Variants in AXIN1 observed in about 807,000 individuals in gnomAD.
AXIN1 encodes axin 1.
In AXIN1, 30 loss-of-function variants were observed where a neutral mutation model predicts 76.4. The observed-to-expected ratio is 0.39, with a 90% CI of 0.29 to 0.53. The LOEUF is 0.53. Among genes scored for constraint, AXIN1 ranks in the 20% least tolerant of loss-of-function variants. AXIN1 has a pLI of 0.66. For synonymous variants in AXIN1, 545 were observed against 501.4 expected, an observed-to-expected ratio of 1.09 and a Z score of -1.16; for missense variants, 1,140 against 1,198.8, an observed-to-expected ratio of 0.95 and a Z score of 0.72.
rs147325850 is a variant in AXIN1, at chr16:318,379, C to T, written c.879-3696G>A. 9.8e-5 allele frequency among the ~76,000 whole-genome samples: 15 copies of T among 152,298 alleles called. No homozygotes were observed. In the East Asian group the frequency reaches 2.9e-3, roughly 29 times the overall value. On this transcript the variant is annotated intron_variant, in intron 2 of 10. Coordinates refer to ENST00000262320, the MANE Select transcript of AXIN1 (RefSeq NM_003502.4). ...GGTCAGGCAGCAAAGGGGAGAGAAGCGGGAGAAGGCGGCTGGGAGAAAAGA... is the reference window on the plus strand; with the variant it reads ...GGTCAGGCAGCAAAGGGGAGAGAAGTGGGAGAAGGCGGCTGGGAGAAAAGA...
Position 294,512 on chromosome 16 carries a change from T to C in AXIN1, c.1956-794A>G, listed in dbSNP as rs567604596. Among the ~76,000 whole-genome samples, 54 of 143,996 alleles carry C rather than the reference T, an allele frequency of 3.8e-4. No homozygotes were observed. In the East Asian group the frequency reaches 0.011, roughly 31 times the overall value. 94.5% of individuals were successfully genotyped at this position (143,996 alleles called of 152,430 possible). On this transcript the variant is annotated intron_variant, in intron 7 of 10. Transcript: ENST00000262320. ...GCCAGGCGCGGTAATCCCAGCACGC[T>C]GGGAGGCCGAGGCGGGTGGATCATC...
intron 7 of AXIN1, among the ~76,000 whole-genome samples, chr16:296,459 C>T (rs932623918): frequency 1.3e-5 from 2 of 152,206 alleles, no homozygotes; most frequent in African/African-American, 2.4e-5. Context: ...CCCTGGCCCT[C>T]CTGCTGGGTT....
chr16:294,685 G>A (rs1366409486), intron 7 of AXIN1, among the ~76,000 whole-genome samples: 1 of 148,776 alleles, frequency 6.7e-6, no homozygotes, highest in Non-Finnish European at 1.5e-5. Flanking sequence ...AACCTGGGAG[G>A]TGGAGGTTGC....
chr16:322,223 T>C (rs1367523490), intron 2 of AXIN1, among the ~76,000 whole-genome samples: 1 of 152,094 alleles, frequency 6.6e-6, no homozygotes, highest in Non-Finnish European at 1.5e-5. Context: ...CAAACAGTGG[T>C]GCACACCCCA....
Position 352,195 on chromosome 16 carries a change from C to T in AXIN1, c.-82+174G>A, listed in dbSNP as rs1455621983. Among the ~76,000 whole-genome samples, 12 of 151,834 alleles carry T rather than the reference C, an allele frequency of 7.9e-5. No homozygotes were observed. In the East Asian group the frequency reaches 1.4e-3, roughly 17 times the overall value. The stretch of plus-strand genomic sequence containing the variant: ...AGACGCGCCCGAGGCCTCGGACCTC[C>T]AAGCGGCCACCGCGCCGCCAGTCCC... On this transcript the variant is annotated intron_variant, in intron 1 of 10. Transcript: ENST00000262320.
rs1476903151 is a variant in AXIN1, at chr16:289,515, T to C, written c.2387A>G (p.Tyr796Cys). Residue 796 changes from tyrosine (Y) to cysteine (C), a missense_variant, in exon 10 of 11, where the codon TAC becomes TGC. Physicochemically the swap from Tyr to Cys is radical, Grantham distance 194. Around this residue, in one of 3 missense-constraint regions of AXIN1, gnomAD observed 429 missense variants for 405.8 expected, o/e 1.06. Transcript: ENST00000262320. ...AYYFCGEPIP[Y>C]RTLVRGRAVT... is the part of the protein sequence containing the mutation. The stretch of plus-strand genomic sequence containing the variant: ...AGCGCGGCCCCTCACCAGGGTGCGG[T>C]AGGGGATGGGTTCCCCGCAGAAGTA... 1 of 1,612,942 alleles carries C rather than the reference T, an allele frequency of 6.2e-7. No homozygotes were observed. Among genetic ancestry groups the C allele is most frequent in the Admixed American group, 1.7e-5 (1 of 60,020 alleles).
intron 5 of AXIN1, among the ~76,000 whole-genome samples, chr16:301,074 T>C (rs1343856970): frequency 1.3e-5 from 2 of 151,786 alleles, no homozygotes; most frequent in Non-Finnish European, 2.9e-5. Flanking sequence ...ATCGAGACCA[T>C]CCTGGCTAAC....
chr16:352,266 C>A, intron 1 of AXIN1, 103 bp downstream of exon 1: 1 of 737,590 alleles, frequency 1.4e-6, no homozygotes, highest in Non-Finnish European at 1.7e-6. Context: ...CGCCCACCCC[C>A]TCGGTCCCAC....
At chr16:300,412 C>A (rs1567268488) in intron 5 of AXIN1, among the ~76,000 whole-genome samples, 3 of 151,970 alleles carry the variant, frequency 2.0e-5, no homozygotes, top group African/African-American at 4.8e-5. Context: ...GTTGTCCAAC[C>A]TGCTCTTAAA....
Position 320,743 on chromosome 16 carries a change from A to ATATATATATTT in AXIN1, c.879-6061_879-6060insAAATATATATA, listed in dbSNP as rs397722732. Among the ~76,000 whole-genome samples, 105 of 107,616 alleles carry ATATATATATTT rather than the reference A, an allele frequency of 9.8e-4. No homozygotes were observed. In the East Asian group the frequency reaches 0.015, roughly 15 times the overall value. 70.6% of individuals were successfully genotyped at this position (107,616 alleles called of 152,430 possible). ...TGTGTGTATATATATATATATATAT[A>ATATATATATTT]TTTTTTTTTTTTTTGAGACGGAGCC... On this transcript the variant is annotated intron_variant, in intron 2 of 10. Coordinates refer to ENST00000262320, the MANE Select transcript of AXIN1 (RefSeq NM_003502.4).
At chr16:322,499 G>A (rs553410084) in intron 2 of AXIN1, among the ~76,000 whole-genome samples, 1 of 152,342 alleles carries the variant, frequency 6.6e-6, no homozygotes, top group South Asian at 2.1e-4. Context: ...GGCAGGTGCT[G>A]GTGCTGACCT....
intron 3 of AXIN1, among the ~76,000 whole-genome samples, chr16:313,386 G>A (rs1467305604): frequency 6.6e-6 from 1 of 152,248 alleles, no homozygotes; most frequent in Non-Finnish European, 1.5e-5. Flanking sequence ...ATCACCAGTA[G>A]GTGAGAAGTC....
In AXIN1 at chr16:289,582, C is replaced by T. The variant is rs558178546; in HGVS notation, c.2320G>A (p.Gly774Ser). The change falls in exon 10 of 11, where the codon GGC becomes AGC. Residue 774 changes from glycine (G) to serine (S), a missense_variant. Transcript: ENST00000262320. ...TETRSQRKVG[G>S]GSAQPCDSIV... ...CTGTCACACGGCTGGGCACTCCCGCCGCCCACCTTCCTCTGCGATCTTGTC... is the reference window on the plus strand; with the variant it reads ...CTGTCACACGGCTGGGCACTCCCGCTGCCCACCTTCCTCTGCGATCTTGTC... 38 of 1,612,914 alleles carry T rather than the reference C, an allele frequency of 2.4e-5. No individual in the cohort carries two copies. Among genetic ancestry groups the T allele is most frequent in the Middle Eastern group, 1.6e-4 (1 of 6,062 alleles).
In AXIN1 at chr16:346,338, T is replaced by G; in HGVS notation, c.688A>C (p.Thr230Pro). The change falls in exon 2 of 11, where the codon ACA becomes CCA. Residue 230 changes from threonine to proline, a missense_variant. Coordinates refer to ENST00000262320, the MANE Select transcript of AXIN1 (RefSeq NM_003502.4). ...AGGTATCCAGATATGCCCTTCCCTGTCCCTGACCCAGAGCTCTGGTCACTA... is the reference window on the plus strand; with the variant it reads ...AGGTATCCAGATATGCCCTTCCCTGGCCCTGACCCAGAGCTCTGGTCACTA... ...VCSDQSSGSGTGKGISGYLPT... is the reference protein window; with the variant it reads ...VCSDQSSGSGPGKGISGYLPT... The G allele has an allele frequency of 6.2e-7, 1 of 1,614,222 alleles. No individual in the cohort carries two copies. Among genetic ancestry groups the G allele is most frequent in the Non-Finnish European group, 8.5e-7 (1 of 1,180,042 alleles).
Position 333,525 on chromosome 16 carries a change from C to A in AXIN1, c.878+12623G>T, listed in dbSNP as rs147435191. Among the ~76,000 whole-genome samples, 333 of 151,710 alleles carry A rather than the reference C, an allele frequency of 2.2e-3. 2 individuals are homozygous for A. Among genetic ancestry groups the A allele is most frequent in the African/African-American group, 7.8e-3 (322 of 41,346 alleles). On this transcript the variant is annotated intron_variant, in intron 2 of 10. Coordinates refer to ENST00000262320, the MANE Select transcript of AXIN1 (RefSeq NM_003502.4). ...CAGCACGATGAAAGAAAAAAGCCCC[C>A]AGCAAAACACAGTATTATGAAATAA... is the stretch of plus-strand genomic sequence containing the variant.
Position 288,252 on chromosome 16 carries a change from C to T in AXIN1, c.2463-4G>A, listed in dbSNP as rs769331566. 6 of 1,613,438 alleles carry T rather than the reference C, an allele frequency of 3.7e-6. No individual in the cohort carries two copies. In the African/African-American group the frequency reaches 4.0e-5, roughly 11 times the overall value. On this transcript the variant is annotated splice_region_variant and splice_polypyrimidine_tract_variant and intron_variant, in intron 10 of 10. Coordinates refer to ENST00000262320, the MANE Select transcript of AXIN1 (RefSeq NM_003502.4). ...GCTCACTTTCTTGAAGTAGTATCTG[C>T]AGGACGGAGGTGAGGAGGGCAGTGA...
At chr16:337,553 G>C (rs2053832217) in intron 2 of AXIN1, among the ~76,000 whole-genome samples, 1 of 150,718 alleles carries the variant, frequency 6.6e-6, no homozygotes, top group South Asian at 2.1e-4. Flanking sequence ...AGGAGGGTGA[G>C]TGCCATGAGC....
At chr16:315,726 G>A (rs964590583) in intron 2 of AXIN1, among the ~76,000 whole-genome samples, 2 of 151,978 alleles carry the variant, frequency 1.3e-5, no homozygotes, top group Non-Finnish European at 2.9e-5. Context: ...TACTTCGGAG[G>A]CTGAGGCGGG....
intron 2 of AXIN1, among the ~76,000 whole-genome samples, chr16:334,876 C>T (rs1567299397): frequency 6.6e-6 from 1 of 152,112 alleles, no homozygotes; most frequent in Non-Finnish European, 1.5e-5. Flanking sequence ...GCACCCAGTA[C>T]CATGGCACAC....
Sources: allele counts gnomAD v4.1 joint callset (sites outside exome capture counted in the v4.1 genomes callset), GRCh38; gene constraint gnomAD v4.1.1; regional missense constraint gnomAD v4.1.1; transcripts MANE v1.5; gene names NCBI Gene and HGNC (gene_info 2026-07-23, HGNC 2026-07-21).